Variants in FGF20 observed in about 807,000 individuals in gnomAD.
The protein encoded by FGF20 is fibroblast growth factor 20.
In FGF20, 8 loss-of-function variants were observed where a neutral mutation model predicts 16.7. That is an observed-to-expected ratio of 0.48 (90% CI 0.28 to 0.87). The LOEUF is 0.87. Among genes scored for constraint, FGF20 ranks in the 40% least tolerant of loss-of-function variants. The pLI, the probability that FGF20 is intolerant of heterozygous loss-of-function variation, is 0.10. For synonymous variants in FGF20, 161 were observed against 118.6 expected, an observed-to-expected ratio of 1.36 and a Z score of -2.32; for missense variants, 397 against 281.4, an observed-to-expected ratio of 1.41 and a Z score of -2.94.
intron 1 of FGF20, 80 bp downstream of exon 1, chr8:17,001,667 A>G: frequency 7.1e-7 from 1 of 1,412,266 alleles, no homozygotes; most frequent in Non-Finnish European, 9.3e-7. Context: ...CTTGGCAGGC[A>G]AAGAGGGAGG....
chr8:16,993,410 T>A, intron 2 of FGF20, 93 bp from the exon 3 acceptor site: 1 of 1,277,084 alleles, frequency 7.8e-7, no homozygotes, highest in Non-Finnish European at 1.1e-6. Flanking sequence ...TTTCTTTGCC[T>A]TGTCAAAGAA....
chr8:16,996,539 G>T (rs1187924407), intron 1 of FGF20, among the ~76,000 whole-genome samples: 1 of 152,024 alleles, frequency 6.6e-6, no homozygotes, highest in Non-Finnish European at 1.5e-5. Flanking sequence ...ATATAACAGA[G>T]GTATTCTCAG....
At chr8:16,994,393 C>A in intron 2 of FGF20, among the ~76,000 whole-genome samples, 1 of 152,254 alleles carries the variant, frequency 6.6e-6, no homozygotes, top group East Asian at 1.9e-4. Context: ...ATTGTCTTTT[C>A]AAAATGGACT....
Position 16,993,042 on chromosome 8 carries a change from T to A in FGF20, c.*30A>T, listed in dbSNP as rs984994210. The A allele has an allele frequency of 3.7e-6, 6 of 1,604,376 alleles. No individual in the cohort carries two copies. The highest frequency in any genetic ancestry group is 5.1e-6 in the Non-Finnish European group (6 of 1,175,320). On this transcript the variant is annotated 3_prime_UTR_variant, in exon 3 of 3. Transcript: ENST00000180166. ...TATGACAAGAAAGAATGGTTGTGGT[T>A]TGACTCTTCCATAATGTCACTATCG...
chr8:16,993,897 G>T (rs17550290), intron 2 of FGF20, among the ~76,000 whole-genome samples: 1 of 152,170 alleles, frequency 6.6e-6, no homozygotes, highest in African/African-American at 2.4e-5. Context: ...CACAGGAGGC[G>T]GAGCTTAGGT....
intron 2 of FGF20, among the ~76,000 whole-genome samples, chr8:16,995,084 C>T (rs1352393105): frequency 6.6e-6 from 1 of 152,168 alleles, no homozygotes; most frequent in African/African-American, 2.4e-5. Context: ...CACTTATCCC[C>T]AGGAGCAACT....
intron 1 of FGF20, among the ~76,000 whole-genome samples, chr8:16,996,834 T>C (rs1810062040): frequency 6.6e-6 from 1 of 152,214 alleles, no homozygotes; most frequent in African/African-American, 2.4e-5. Context: ...TATTTATAAA[T>C]GGTAGAACTG....
intron 1 of FGF20, among the ~76,000 whole-genome samples, chr8:16,999,542 A>C (rs1291347718): frequency 4.0e-4 from 12 of 29,898 alleles, no homozygotes; most frequent in Non-Finnish European, 6.4e-4. Flanking sequence ...TTTTTTTTTG[A>C]GACAGAGTCT....
chr8:16,994,884 T>A (rs1312770977), intron 2 of FGF20, among the ~76,000 whole-genome samples: 1 of 152,186 alleles, frequency 6.6e-6, no homozygotes, highest in Non-Finnish European at 1.5e-5. Flanking sequence ...GAAAAAATGT[T>A]AACAATGAAA....
At position 17,002,028 on chromosome 8, in the gene FGF20, G is replaced by A. The variant is rs1266965416; in HGVS notation, c.5C>T (p.Ala2Val). The part of the protein sequence containing the change: M[A>V]PLAEVGGFLG... The stretch of plus-strand genomic sequence containing the variant: ...AAAGCCCCCGACTTCGGCTAAGGGA[G>A]CCATGGAGGGGGAGATCCGGAACAC... The change falls in exon 1 of 3, where the codon GCT becomes GTT. Residue 2 changes from alanine to valine, a missense_variant. By Grantham distance (64) the Ala-to-Val change is moderately conservative. Transcript: ENST00000180166. 6 of 1,539,404 alleles carry A rather than the reference G, an allele frequency of 3.9e-6. No homozygotes were observed. The highest frequency in any genetic ancestry group is 1.2e-5 in the South Asian group (1 of 83,132).
intron 2 of FGF20, among the ~76,000 whole-genome samples, chr8:16,995,268 T>C (rs1009469391): frequency 1.3e-5 from 2 of 152,202 alleles, no homozygotes; most frequent in Non-Finnish European, 1.5e-5. Context: ...TATATTTAGC[T>C]GTGGAAGATG....
At chr8:16,993,598 A>T (rs1157804001) in intron 2 of FGF20, among the ~76,000 whole-genome samples, 2 of 152,038 alleles carry the variant, frequency 1.3e-5, no homozygotes, top group Non-Finnish European at 2.9e-5. Context: ...GGGACACGGG[A>T]TGGTTTCAGG....
chr8:17,000,007 G>A (rs961137119), intron 1 of FGF20, among the ~76,000 whole-genome samples: 1 of 152,192 alleles, frequency 6.6e-6, no homozygotes, highest in African/African-American at 2.4e-5. Context: ...AATGAGCGCA[G>A]TGAAGTCATC....
chr8:16,995,463 G>T (rs866230735), intron 2 of FGF20, among the ~76,000 whole-genome samples, 192 bp downstream of exon 2: 5 of 152,122 alleles, frequency 3.3e-5, no homozygotes, highest in Admixed American at 6.5e-5. Context: ...ATGGTTGGGG[G>T]TTTTAAAAAT....
At chr8:16,997,771 A>G (rs2150435508) in intron 1 of FGF20, among the ~76,000 whole-genome samples, 1 of 152,292 alleles carries the variant, frequency 6.6e-6, no homozygotes, top group Non-Finnish European at 1.5e-5. Context: ...AATCAAACTC[A>G]CTGCCAAGTT....
chr8:17,001,017 T>C (rs1275691242), intron 1 of FGF20, among the ~76,000 whole-genome samples: 1 of 152,096 alleles, frequency 6.6e-6, no homozygotes, highest in East Asian at 1.9e-4. Context: ...GCATGCTCAG[T>C]AGCCGGGTGG....
chr8:17,001,311 A>G (rs1810174581), intron 1 of FGF20, among the ~76,000 whole-genome samples: 1 of 152,100 alleles, frequency 6.6e-6, no homozygotes, highest in Admixed American at 6.5e-5. Context: ...TGTAAAGTGG[A>G]CGGCATGGGG....
intron 1 of FGF20, among the ~76,000 whole-genome samples, chr8:17,000,142 G>A (rs922354335): frequency 6.6e-6 from 1 of 152,012 alleles, no homozygotes; most frequent in Non-Finnish European, 1.5e-5. Context: ...CGGAAAGATT[G>A]CCGGAGGCCA....
At chr8:16,999,925 T>C (rs942404670) in intron 1 of FGF20, among the ~76,000 whole-genome samples, 1 of 152,172 alleles carries the variant, frequency 6.6e-6, no homozygotes, top group African/African-American at 2.4e-5. Flanking sequence ...AACTTCTGCC[T>C]GCTCTCCCTA....
Sources: gnomAD v4.1 joint callset for allele counts (sites outside exome capture counted in the v4.1 genomes callset) on GRCh38, gnomAD v4.1.1 for gene constraint, MANE v1.5 for transcripts, NCBI Gene and HGNC (gene_info 2026-07-23, HGNC 2026-07-21) for gene names.